The following PTPN14 variants were observed in gnomAD, a reference collection of about 807,000 sequenced individuals.
The protein encoded by PTPN14 is tyrosine-protein phosphatase non-receptor type 14.
A neutral mutation model predicts 126.8 loss-of-function variants in PTPN14; 53 were observed. The observed-to-expected ratio is 0.42, with a 90% CI of 0.34 to 0.53. The LOEUF (loss-of-function observed/expected upper bound fraction) is 0.53. Ranked by LOEUF, PTPN14 falls within the 20% of genes least tolerant of loss-of-function variation. PTPN14 has a pLI of 0.08. For missense variants in PTPN14, 1,257 were observed against 1,552.9 expected, an observed-to-expected ratio of 0.81 and a Z score of 3.20; for synonymous variants, 630 against 599.3, an observed-to-expected ratio of 1.05 and a Z score of -0.75.
chr1:214,362,562 T>A (rs1310970485), intron 18 of PTPN14, among the ~76,000 whole-genome samples: 1 of 152,246 alleles, frequency 6.6e-6, no homozygotes, highest in African/African-American at 2.4e-5. Flanking sequence ...TAACATCTGG[T>A]GTTCAGTGAG....
intron 18 of PTPN14, among the ~76,000 whole-genome samples, chr1:214,359,938 T>C (rs915564022): frequency 6.6e-6 from 1 of 152,252 alleles, no homozygotes; most frequent in African/African-American, 2.4e-5. Flanking sequence ...TTCAGTGTCA[T>C]GGGTACTTGA....
chr1:214,448,201 G>C (rs1191291725), intron 3 of PTPN14, among the ~76,000 whole-genome samples: 1 of 152,046 alleles, frequency 6.6e-6, no homozygotes, highest in African/African-American at 2.4e-5. Context: ...CCTGAGGCTG[G>C]GTGAGTGTCA....
intron 13 of PTPN14, among the ~76,000 whole-genome samples, chr1:214,381,883 T>C (rs1658480533): frequency 6.6e-6 from 1 of 152,170 alleles, no homozygotes; most frequent in South Asian, 2.1e-4. Flanking sequence ...AGTGAAAATG[T>C]TCATGGCAAG....
Position 214,357,976 on chromosome 1 carries a change from G to C in PTPN14, c.3510C>G (p.Tyr1170Ter). The C allele has an allele frequency of 6.2e-7, 1 of 1,613,288 alleles. No individual in the cohort carries two copies. The highest frequency in any genetic ancestry group is 8.5e-7 in the Non-Finnish European group (1 of 1,179,432). Residue 1170 changes from tyrosine (Y) to a stop codon, truncating the protein, a stop_gained, in exon 19 of 19, where the codon TAC (tyrosine) becomes TAG (stop). Coordinates refer to ENST00000366956, the MANE Select transcript of PTPN14 (RefSeq NM_005401.5). LOFTEE classifies it high-confidence loss of function. ...RMFMIQTIAQ[Y>*]KFVYQVLIQF... ...GGATGAGGACTTGGTAGACAAACTTGTACTGAGCGATAGTCTGGATCATGA... is the reference window on the plus strand; with the variant it reads ...GGATGAGGACTTGGTAGACAAACTTCTACTGAGCGATAGTCTGGATCATGA...
Position 214,383,185 on chromosome 1 carries a change from A to G in PTPN14, c.2544+126T>C. On this transcript the variant is annotated intron_variant, in intron 13 of 18. Coordinates refer to ENST00000366956, the MANE Select transcript of PTPN14 (RefSeq NM_005401.5). This position sits in a 1 kb window ranked among gnomAD's most constrained non-coding sequence, Gnocchi z 4.4. ...TCAACATTTTGTGTAATAAAGTACT[A>G]CCTTTTAAATGCTCAATGATTCCTT... 8.2e-7 allele frequency: 1 copy of G among 1,220,752 alleles called. No individual in the cohort carries two copies. Among genetic ancestry groups the G allele is most frequent in the Non-Finnish European group, 1.1e-6 (1 of 877,606 alleles). The allele number at this position is 1,220,752 out of a possible 1,614,324, so 75.6% of individuals were successfully genotyped here. A position where few individuals can be genotyped will look rare whatever the true frequency, so the allele number is the denominator to read the frequency against.
chr1:214,386,314 G>A (rs1028851801), intron 12 of PTPN14, among the ~76,000 whole-genome samples: 1 of 152,148 alleles, frequency 6.6e-6, no homozygotes, highest in Non-Finnish European at 1.5e-5. Flanking sequence ...TTTTGCATGG[G>A]AGATGTTTTG....
chr1:214,492,777 G>A (rs1467650821), intron 1 of PTPN14, among the ~76,000 whole-genome samples: 4 of 151,936 alleles, frequency 2.6e-5, no homozygotes, highest in African/African-American at 9.7e-5. Flanking sequence ...GGGTGGTGGT[G>A]CATGCCTGTA....
intron 1 of PTPN14, among the ~76,000 whole-genome samples, chr1:214,493,265 A>G (rs1452980162): frequency 6.6e-6 from 1 of 152,156 alleles, no homozygotes; most frequent in Non-Finnish European, 1.5e-5. Flanking sequence ...GGAAACAGGA[A>G]CTTCTGATCA....
At chr1:214,540,346 A>C (rs1411628646) in intron 1 of PTPN14, among the ~76,000 whole-genome samples, 1 of 152,220 alleles carries the variant, frequency 6.6e-6, no homozygotes, top group Non-Finnish European at 1.5e-5. Flanking sequence ...TCCTGGGCAG[A>C]AGGGAATGCT....
At chr1:214,369,763 A>G (rs1379906716) in intron 16 of PTPN14, 72 bp from the exon 17 acceptor site, 25 of 1,362,442 alleles carry the variant, frequency 1.8e-5, no homozygotes, top group Non-Finnish European at 2.6e-5. Context: ...CTAAGATATG[A>G]AGACAGAAGA....
chr1:214,487,039 T>A (rs562124200), intron 1 of PTPN14, among the ~76,000 whole-genome samples: 22 of 152,138 alleles, frequency 1.4e-4, no homozygotes, highest in African/African-American at 4.6e-4. Context: ...TGGAAAAAAA[T>A]CTGTATGCTT....
At chr1:214,395,588 AACACACACACACACACACACAC>A (rs57357032) in intron 8 of PTPN14, among the ~76,000 whole-genome samples, 4 of 132,544 alleles carry the variant, frequency 3.0e-5, no homozygotes, top group East Asian at 2.6e-4. Context: ...GGGACCCAAC[AACACACACACACACACACACAC>A]ACACACACAC....
chr1:214,460,207 T>C (rs984481383), intron 2 of PTPN14, among the ~76,000 whole-genome samples: 22 of 152,154 alleles, frequency 1.4e-4, no homozygotes, highest in Non-Finnish European at 2.8e-4. Flanking sequence ...CATGAGCTGA[T>C]ATATGGAAAC....
chr1:214,495,997 ATG>A (rs1366372179), intron 1 of PTPN14, among the ~76,000 whole-genome samples: 3 of 152,064 alleles, frequency 2.0e-5, no homozygotes. Context: ...ACTCGGCCTC[ATG>A]TGTTATTTTA....
chr1:214,536,626 A>C (rs992882845), intron 1 of PTPN14, among the ~76,000 whole-genome samples: 2 of 152,072 alleles, frequency 1.3e-5, no homozygotes, highest in Non-Finnish European at 2.9e-5. Context: ...CTCTACAAAA[A>C]AATAAAAAAT....
At chr1:214,373,955 A>G (rs1455678673) in intron 15 of PTPN14, among the ~76,000 whole-genome samples, 1 of 152,200 alleles carries the variant, frequency 6.6e-6, no homozygotes, top group Non-Finnish European at 1.5e-5. Flanking sequence ...CCTGCAGCTC[A>G]GGGTGATCAG....
chr1:214,518,955 T>C (rs918327951), intron 1 of PTPN14, among the ~76,000 whole-genome samples: 1 of 152,168 alleles, frequency 6.6e-6, no homozygotes, highest in Admixed American at 6.6e-5. Flanking sequence ...AATTTGATCA[T>C]TGCCTTTAAT....
At chr1:214,509,435 G>C (rs1455909399) in intron 1 of PTPN14, among the ~76,000 whole-genome samples, 16 of 152,226 alleles carry the variant, frequency 1.1e-4, no homozygotes, top group Admixed American at 1.0e-3. Context: ...GAATTGAAGA[G>C]AGTTAGGGCT....
At chr1:214,471,025 C>CAA (rs71165976) in intron 1 of PTPN14, among the ~76,000 whole-genome samples, 9 of 129,304 alleles carry the variant, frequency 7.0e-5, no homozygotes, top group African/African-American at 2.3e-4. Flanking sequence ...AATTCCATCT[C>CAA]AAAAAAAAAA....
Sources: allele counts gnomAD v4.1 joint callset (sites outside exome capture counted in the v4.1 genomes callset), GRCh38; gene constraint gnomAD v4.1.1; non-coding constraint Gnocchi (gnomAD v3.1); transcripts MANE v1.5; gene names NCBI Gene and HGNC (gene_info 2026-07-23, HGNC 2026-07-21).